TSHZ3: variants seen among roughly 807,000 people sequenced by gnomAD.
TSHZ3 encodes teashirt homolog 3.
Under a neutral mutation model 64.5 loss-of-function variants are expected in TSHZ3, and 10 were observed. That is an observed-to-expected ratio of 0.16 (90% CI 0.10 to 0.26). TSHZ3 has a LOEUF of 0.26. Among genes scored for constraint, TSHZ3 ranks in the 10% least tolerant of loss-of-function variants. The probability of loss-of-function intolerance (pLI) is 1.00; values close to 1 mark genes in which losing one functional copy is unlikely to be tolerated. For synonymous variants in TSHZ3, 608 were observed against 593.1 expected, an observed-to-expected ratio of 1.03 and a Z score of -0.36; for missense variants, 1,242 against 1,421.7, an observed-to-expected ratio of 0.87 and a Z score of 2.03.
In TSHZ3 at chr19:31,221,236, G is replaced by A. The variant is rs146110120; in HGVS notation, n.686+6769C>T. On this transcript the variant is annotated intron_variant and non_coding_transcript_variant, in intron 4 of 6. Coordinates refer to the TSHZ3 transcript ENST00000651361. ...TGCAATGAAAACTCAAGAAAAGGATGCTGAATTCTTTTGGTGGTGGATAGA... is the reference window on the plus strand; with the variant it reads ...TGCAATGAAAACTCAAGAAAAGGATACTGAATTCTTTTGGTGGTGGATAGA... 5.1e-4 allele frequency among the ~76,000 whole-genome samples: 77 copies of A among 152,300 alleles called. 3 individuals are homozygous for A. Among genetic ancestry groups the A allele is most frequent in the African/African-American group, 1.8e-3 (75 of 41,570 alleles).
At chr19:31,177,779 A>C (rs1417040562) in intron 5 of TSHZ3, among the ~76,000 whole-genome samples, 2 of 152,186 alleles carry the variant, frequency 1.3e-5, no homozygotes, top group African/African-American at 4.8e-5. Context: ...CAGGGCAGGA[A>C]TATTCTCTTT....
intron 4 of TSHZ3, among the ~76,000 whole-genome samples, chr19:31,208,102 T>C (rs1424561810): frequency 6.6e-6 from 1 of 152,320 alleles, no homozygotes; most frequent in Non-Finnish European, 1.5e-5. Context: ...AACTCTTCAG[T>C]AGATAAATGA....
chr19:31,181,967 G>A (rs1370554819), intron 5 of TSHZ3, among the ~76,000 whole-genome samples: 2 of 152,162 alleles, frequency 1.3e-5, no homozygotes, highest in Non-Finnish European at 2.9e-5. Flanking sequence ...AGATCCTCTA[G>A]AGTCCGTGCT....
At chr19:31,249,335 G>A (rs16965321) in intron 1 of TSHZ3, among the ~76,000 whole-genome samples, 5,338 of 152,234 alleles carry the variant, frequency 0.035, 321 homozygotes, top group African/African-American at 0.12. Context: ...CCTTTCCAGC[G>A]CAGTTGGATC....
intron 4 of TSHZ3, among the ~76,000 whole-genome samples, chr19:31,225,604 G>T (rs1975448781): frequency 6.6e-6 from 1 of 152,170 alleles, no homozygotes; most frequent in Non-Finnish European, 1.5e-5. Flanking sequence ...CGGCCCATCT[G>T]CACCTCCCCA....
At chr19:31,314,177 G>A (rs767709385) in intron 1 of TSHZ3, among the ~76,000 whole-genome samples, 19 of 152,072 alleles carry the variant, frequency 1.2e-4, no homozygotes, top group South Asian at 1.0e-3. Flanking sequence ...GCCTCCTTCC[G>A]GCTTCTAAGG....
chr19:31,172,989 G>A (rs1974557149), intron 5 of TSHZ3, among the ~76,000 whole-genome samples: 1 of 152,220 alleles, frequency 6.6e-6, no homozygotes, highest in African/African-American at 2.4e-5. Flanking sequence ...GCTAGATCAT[G>A]TAGGGTCTCA....
intron 5 of TSHZ3, among the ~76,000 whole-genome samples, chr19:31,192,718 C>A (rs1013807232): frequency 2.6e-5 from 4 of 152,118 alleles, no homozygotes; most frequent in African/African-American, 9.7e-5. Flanking sequence ...TCCACTTATC[C>A]TTTTTACTTG....
At chr19:31,345,959 A>C (rs1917579687) in intron 1 of TSHZ3, among the ~76,000 whole-genome samples, 1 of 151,902 alleles carries the variant, frequency 6.6e-6, no homozygotes, top group Admixed American at 6.6e-5. Flanking sequence ...ACAAATGCAC[A>C]CCCCCTGGAA....
intron 1 of TSHZ3, among the ~76,000 whole-genome samples, chr19:31,295,287 T>C (rs551236054): frequency 6.6e-6 from 1 of 152,202 alleles, no homozygotes; most frequent in Non-Finnish European, 1.5e-5. Flanking sequence ...CTGTGTGACC[T>C]GGCAATTCTA....
chr19:31,326,678 A>G (rs1916938996), intron 1 of TSHZ3, among the ~76,000 whole-genome samples: 1 of 152,230 alleles, frequency 6.6e-6, no homozygotes, highest in Non-Finnish European at 1.5e-5. Flanking sequence ...CTCATTATTT[A>G]ATTTCCAAGT....
intron 1 of TSHZ3, among the ~76,000 whole-genome samples, chr19:31,339,923 A>G (rs542886315): frequency 6.6e-6 from 1 of 152,088 alleles, no homozygotes; most frequent in South Asian, 2.1e-4. Flanking sequence ...AAAAAGAAAG[A>G]AAAGAAATCA....
At chr19:31,271,163 T>C (rs1381099903), downstream of TSHZ3, among the ~76,000 whole-genome samples, 1 of 152,102 alleles carries the variant, frequency 6.6e-6, no homozygotes, top group Non-Finnish European at 1.5e-5. Flanking sequence ...GCTAATCTAT[T>C]GTCTTGGCAG....
intron 5 of TSHZ3, among the ~76,000 whole-genome samples, chr19:31,192,818 C>A (rs1474662494): frequency 6.6e-6 from 1 of 152,194 alleles, no homozygotes; most frequent in Non-Finnish European, 1.5e-5. Context: ...TAAAGTTGCA[C>A]ACTTTCTTTA....
At chr19:31,339,270 A>G (rs528123840) in intron 1 of TSHZ3, among the ~76,000 whole-genome samples, 38 of 151,318 alleles carry the variant, frequency 2.5e-4, no homozygotes, top group African/African-American at 7.3e-4. Flanking sequence ...GAAAGGGGGG[A>G]AAAAAAGTCA....
intron 5 of TSHZ3, among the ~76,000 whole-genome samples, chr19:31,193,905 TG>T (rs1359305242): frequency 1.3e-5 from 2 of 152,222 alleles, no homozygotes; most frequent in African/African-American, 4.8e-5. Flanking sequence ...TAATGTTTTC[TG>T]GTTCAATGAG....
At chr19:31,167,792 A>T (rs1974476354) in intron 5 of TSHZ3, 1 of 152,182 alleles carries the variant, frequency 6.6e-6, no homozygotes, top group South Asian at 2.1e-4. Context: ...TAGCAACTTA[A>T]TTTATGACAC....
At chr19:31,338,808 C>CTCCA (rs1917335456) in intron 1 of TSHZ3, among the ~76,000 whole-genome samples, 1 of 151,728 alleles carries the variant, frequency 6.6e-6, no homozygotes, top group Non-Finnish European at 1.5e-5. Flanking sequence ...GCCTTCCTCC[C>CTCCA]TCCATCTTTT....
chr19:31,255,166 G>T (rs1417079413), intron 1 of TSHZ3, among the ~76,000 whole-genome samples: 1 of 152,128 alleles, frequency 6.6e-6, no homozygotes, highest in Non-Finnish European at 1.5e-5. Flanking sequence ...ATCATCAATG[G>T]GGAATGCCAA....
Sources: allele counts gnomAD v4.1 joint callset (sites outside exome capture counted in the v4.1 genomes callset), GRCh38; gene constraint gnomAD v4.1.1; transcripts MANE v1.5; gene names NCBI Gene and HGNC (gene_info 2026-07-23, HGNC 2026-07-21).